KCNH5: variants seen among roughly 807,000 people sequenced by gnomAD.
The protein encoded by KCNH5 is voltage-gated delayed rectifier potassium channel KCNH5.
KCNH5 carries 46 observed loss-of-function variants against 96.1 expected under a neutral mutation model. The ratio of observed to expected loss-of-function variants is 0.48; its 90% confidence interval spans 0.38 to 0.61. The LOEUF (loss-of-function observed/expected upper bound fraction) is 0.61, where lower values mean the gene tolerates loss of function less well. KCNH5 is among the 20% of genes least tolerant of loss of function. The pLI, the probability that KCNH5 is intolerant of heterozygous loss-of-function variation, is 0.00. For synonymous variants in KCNH5, 439 were observed against 449.8 expected (o/e 0.98, Z 0.30); for missense variants, 907 against 1,225.8 (o/e 0.74, Z 3.88).
At chr14:62,920,356 G>A (rs941227866) in intron 7 of KCNH5, among the ~76,000 whole-genome samples, 4 of 152,108 alleles carry the variant, frequency 2.6e-5, no homozygotes, top group African/African-American at 9.7e-5. Flanking sequence ...AACTTACTCT[G>A]AGAACAATAA....
intron 9 of KCNH5, among the ~76,000 whole-genome samples, chr14:62,795,460 C>T (rs936527562): frequency 1.3e-5 from 2 of 152,104 alleles, no homozygotes; most frequent in African/African-American, 4.8e-5. Flanking sequence ...CAACTATGTA[C>T]ATAGCATTCA....
At chr14:62,902,687 T>C (rs1225156176) in intron 7 of KCNH5, among the ~76,000 whole-genome samples, 5 of 151,632 alleles carry the variant, frequency 3.3e-5, no homozygotes, top group African/African-American at 7.3e-5. Flanking sequence ...ATCAGTTTTA[T>C]CTGAAAAAAG....
At chr14:62,970,073 T>TAAAAAAAAAAAAAAAAAAAAA (rs1284748914) in intron 6 of KCNH5, among the ~76,000 whole-genome samples, 2 of 112,148 alleles carry the variant, frequency 1.8e-5, no homozygotes, top group African/African-American at 6.5e-5. Flanking sequence ...AAAAAAAAAT[T>TAAAAAAAAAAAAAAAAAAAAA]AAATCAATAA....
At position 63,002,586 on chromosome 14, in the gene KCNH5, T is replaced by C. The variant is rs181182288; in HGVS notation, c.305-1127A>G. On this transcript the variant is annotated intron_variant, in intron 3 of 10. Transcript: ENST00000322893. ...TGTAGGTAAGACCCTAGCCTTTTAC[T>C]AGCTTCCATTAAGAACCGAATAAGA... is the stretch of plus-strand genomic sequence containing the variant. Among the ~76,000 whole-genome samples the C allele has an allele frequency of 2.7e-3, 413 of 152,270 alleles. 3 individuals carry two copies. The highest frequency in any genetic ancestry group is 9.7e-3 in the African/African-American group (403 of 41,544).
chr14:63,044,111 C>T (rs899128569), intron 1 of KCNH5, among the ~76,000 whole-genome samples: 4 of 152,128 alleles, frequency 2.6e-5, no homozygotes, highest in African/African-American at 7.2e-5. Context: ...ATGTCTTTCT[C>T]ATTATTCTCC....
intron 6 of KCNH5, among the ~76,000 whole-genome samples, chr14:62,964,928 T>C (rs1294253256): frequency 6.6e-6 from 1 of 152,136 alleles, no homozygotes; most frequent in Non-Finnish European, 1.5e-5. Flanking sequence ...CTCTCTCTAC[T>C]ATTGCAACGG....
intron 10 of KCNH5, among the ~76,000 whole-genome samples, chr14:62,776,285 G>T (rs1440192681): frequency 1.3e-5 from 2 of 151,888 alleles, no homozygotes; most frequent in African/African-American, 4.8e-5. Context: ...AAAAGTTGGG[G>T]CCCTCATGAG....
chr14:62,887,714 C>T (rs1033451634), intron 7 of KCNH5, among the ~76,000 whole-genome samples: 20 of 152,202 alleles, frequency 1.3e-4, no homozygotes, highest in African/African-American at 4.1e-4. Flanking sequence ...ACCCATGGAG[C>T]TGCCCTTGAT....
In KCNH5 at chr14:62,884,605, G is replaced by A. The variant is rs137904159; in HGVS notation, c.1370-34753C>T. Among the ~76,000 whole-genome samples, 881 of 152,244 alleles carry A rather than the reference G, an allele frequency of 5.8e-3. 9 individuals are homozygous for A. The highest frequency in any genetic ancestry group is 0.02 in the African/African-American group (843 of 41,556). ...CGCGCCACTGCACTCCAGCCTGGGC[G>A]AGAGAATAAGACTCTGTCTCAAAAA... On this transcript the variant is annotated intron_variant, in intron 7 of 10. Coordinates refer to ENST00000322893, the MANE Select transcript of KCNH5 (RefSeq NM_139318.5).
intron 7 of KCNH5, among the ~76,000 whole-genome samples, chr14:62,891,558 TA>T (rs111530636): frequency 5.4e-5 from 8 of 147,900 alleles, no homozygotes; most frequent in African/African-American, 9.9e-5. Flanking sequence ...ACCTAAAAGT[TA>T]AAAAAAAAAG....
At chr14:62,916,498 T>G (rs1387253485) in intron 7 of KCNH5, among the ~76,000 whole-genome samples, 1 of 152,234 alleles carries the variant, frequency 6.6e-6, no homozygotes, top group East Asian at 1.9e-4. Context: ...ATAATTAACT[T>G]CGAGGGAAAG....
chr14:62,997,690 G>T (rs1890931369), intron 4 of KCNH5, among the ~76,000 whole-genome samples: 1 of 151,700 alleles, frequency 6.6e-6, no homozygotes, highest in African/African-American at 2.4e-5. Flanking sequence ...GAGGTCAGGA[G>T]ATCGAGACCA....
rs996916958 is a variant in KCNH5, at chr14:62,700,819, T to C, written c.*6689A>G. 1 of 152,190 alleles carries C rather than the reference T, an allele frequency of 6.6e-6. No individual in the cohort carries two copies. The highest frequency in any genetic ancestry group is 1.5e-5 in the Non-Finnish European group (1 of 68,026). The allele number at this position is 152,190 out of a possible 1,614,324, so 9.4% of individuals were successfully genotyped here. A position where few individuals can be genotyped will look rare whatever the true frequency, so the allele number is the denominator to read the frequency against. On this transcript the variant is annotated 3_prime_UTR_variant, in exon 11 of 11. Coordinates refer to ENST00000322893, the MANE Select transcript of KCNH5 (RefSeq NM_139318.5). ...AGTTGAGGAGCAAATGAGGGGTCCATGGCAACAATGGTTCTAGGAACAACA... is the reference window on the plus strand; with the variant it reads ...AGTTGAGGAGCAAATGAGGGGTCCACGGCAACAATGGTTCTAGGAACAACA...
intron 6 of KCNH5, among the ~76,000 whole-genome samples, chr14:62,957,450 T>A (rs1439603477): frequency 6.6e-6 from 1 of 152,224 alleles, no homozygotes; most frequent in Non-Finnish European, 1.5e-5. Context: ...ACACTTTGCA[T>A]TCTCACAATA....
At chr14:62,763,956 T>C (rs977578645) in intron 10 of KCNH5, among the ~76,000 whole-genome samples, 2 of 151,910 alleles carry the variant, frequency 1.3e-5, no homozygotes, top group African/African-American at 4.8e-5. Flanking sequence ...ACCAGACATA[T>C]AAAGAAAAGC....
intron 10 of KCNH5, among the ~76,000 whole-genome samples, chr14:62,741,264 G>A (rs1193223793): frequency 6.6e-6 from 1 of 152,082 alleles, no homozygotes; most frequent in Non-Finnish European, 1.5e-5. Context: ...TCAGATAAGG[G>A]GATAATTGGC....
At chr14:62,740,492 C>T (rs564992831) in intron 10 of KCNH5, among the ~76,000 whole-genome samples, 1 of 152,238 alleles carries the variant, frequency 6.6e-6, no homozygotes, top group Non-Finnish European at 1.5e-5. Flanking sequence ...TCTAACATTA[C>T]ACCTAAGCTT....
intron 7 of KCNH5, among the ~76,000 whole-genome samples, chr14:62,884,616 ACT>A (rs1008186881): frequency 8.6e-5 from 13 of 151,960 alleles, no homozygotes; most frequent in South Asian, 2.1e-4. Flanking sequence ...AGAGAATAAG[ACT>A]CTGTCTCAAA....
At chr14:62,794,663 T>C (rs1300028241) in intron 9 of KCNH5, among the ~76,000 whole-genome samples, 1 of 152,086 alleles carries the variant, frequency 6.6e-6, no homozygotes, top group Non-Finnish European at 1.5e-5. Context: ...CGCCCAAGTG[T>C]ATTTTTCAAA....
Sources: gnomAD v4.1 joint callset for allele counts (sites outside exome capture counted in the v4.1 genomes callset) on GRCh38, gnomAD v4.1.1 for gene constraint, MANE v1.5 for transcripts, NCBI Gene and HGNC (gene_info 2026-07-23, HGNC 2026-07-21) for gene names.